Variants in PDE1A observed in about 807,000 individuals in gnomAD.
PDE1A encodes the protein dual specificity calcium/calmodulin-dependent 3',5'-cyclic nucleotide phosphodiesterase 1A.
In PDE1A, 35 loss-of-function variants were observed where a neutral mutation model predicts 61.7. That is an observed-to-expected ratio of 0.57 (90% CI 0.43 to 0.75). PDE1A has a LOEUF of 0.75. Among genes scored for constraint, PDE1A ranks in the 30% least tolerant of loss-of-function variants. The pLI is 0.00. For missense variants in PDE1A, 597 were observed against 630.6 expected, an observed-to-expected ratio of 0.95 and a Z score of 0.57; for synonymous variants, 232 against 213.2, an observed-to-expected ratio of 1.09 and a Z score of -0.77.
At chr2:182,452,256 G>A (rs953337138) in intron 2 of PDE1A, among the ~76,000 whole-genome samples, 1 of 152,098 alleles carries the variant, frequency 6.6e-6, no homozygotes, top group Non-Finnish European at 1.5e-5. Context: ...CTAAGGTTAA[G>A]AGTGAACATT....
chr2:182,311,981 G>T (rs908062056), intron 1 of PDE1A, among the ~76,000 whole-genome samples: 2 of 152,058 alleles, frequency 1.3e-5, no homozygotes, highest in African/African-American at 4.8e-5. Context: ...TAATAGATGT[G>T]TAGTGGTATC....
At chr2:182,603,086 T>C in the PDE1A span, among the ~76,000 whole-genome samples, 1 of 152,108 alleles carries the variant, frequency 6.6e-6, no homozygotes, top group Non-Finnish European at 1.5e-5. Flanking sequence ...GTGGTCATCT[T>C]TGACATTAAT....
chr2:182,202,979 T>G (rs936737536), intron 8 of PDE1A, among the ~76,000 whole-genome samples: 3 of 152,184 alleles, frequency 2.0e-5, no homozygotes, highest in Non-Finnish European at 2.9e-5. Flanking sequence ...ACAAAGATAC[T>G]TTACTTAAAG....
chr2:182,337,111 C>T (rs1574388871), intron 1 of PDE1A, among the ~76,000 whole-genome samples: 1 of 151,988 alleles, frequency 6.6e-6, no homozygotes, highest in Non-Finnish European at 1.5e-5. Flanking sequence ...ATGGTAAATA[C>T]ATGTTAGGTT....
At chr2:182,441,196 T>A (rs1423129798) in intron 2 of PDE1A, among the ~76,000 whole-genome samples, 1 of 152,054 alleles carries the variant, frequency 6.6e-6, no homozygotes, top group Non-Finnish European at 1.5e-5. Flanking sequence ...AAGAACTGTA[T>A]GGGTGAAACC....
intron 2 of PDE1A, among the ~76,000 whole-genome samples, chr2:182,504,510 T>G (rs1003913162): frequency 6.6e-6 from 1 of 152,208 alleles, no homozygotes; most frequent in Non-Finnish European, 1.5e-5. Flanking sequence ...TATTGCCTCA[T>G]GTAAAATAAT....
chr2:182,577,223 A>G, the PDE1A span, among the ~76,000 whole-genome samples: 1 of 152,330 alleles, frequency 6.6e-6, no homozygotes, highest in South Asian at 2.1e-4. Context: ...CTACACTACC[A>G]TTATGAGGTG....
chr2:182,270,885 T>C (rs886763058), intron 1 of PDE1A, among the ~76,000 whole-genome samples: 1 of 151,786 alleles, frequency 6.6e-6, no homozygotes, highest in South Asian at 2.1e-4. Context: ...AATAATGAAG[T>C]CTTATCTATT....
chr2:182,223,840 A>T, intron 7 of PDE1A, 24 bp downstream of exon 7: 1 of 1,336,146 alleles, frequency 7.5e-7, no homozygotes, highest in Non-Finnish European at 1.0e-6. Flanking sequence ...TAACTAATGA[A>T]AGTTAATACT....
the PDE1A span, among the ~76,000 whole-genome samples, chr2:182,674,142 T>C: frequency 6.6e-6 from 1 of 151,908 alleles, no homozygotes; most frequent in East Asian, 1.9e-4. Context: ...TGTTAGTAAG[T>C]GGTATAGCCA....
the PDE1A span, among the ~76,000 whole-genome samples, chr2:182,532,173 T>C: frequency 6.6e-6 from 1 of 152,170 alleles, no homozygotes; most frequent in Non-Finnish European, 1.5e-5. Flanking sequence ...TAGTGTTCTA[T>C]AACGCTGTAG....
At chr2:182,423,127 A>G (rs1703384765) in intron 1 of PDE1A, among the ~76,000 whole-genome samples, 1 of 152,158 alleles carries the variant, frequency 6.6e-6, no homozygotes, top group Non-Finnish European at 1.5e-5. Flanking sequence ...GCCATAAAGG[A>G]GATAATATAA....
the PDE1A span, among the ~76,000 whole-genome samples, chr2:182,631,268 A>G: frequency 6.8e-6 from 1 of 146,578 alleles, no homozygotes; most frequent in Non-Finnish European, 1.5e-5. Context: ...GGGTGACTCC[A>G]ATCTGCCTTT....
chr2:182,267,973 A>G (rs1395817265), intron 1 of PDE1A, among the ~76,000 whole-genome samples: 2 of 152,164 alleles, frequency 1.3e-5, no homozygotes, highest in African/African-American at 4.8e-5. Context: ...AGAGCTGAAA[A>G]TAAAATATTT....
At chr2:182,638,847 T>C in the PDE1A span, among the ~76,000 whole-genome samples, 3 of 151,826 alleles carry the variant, frequency 2.0e-5, no homozygotes, top group Non-Finnish European at 4.4e-5. Flanking sequence ...AGATTCCAGA[T>C]CAGGAGGGAA....
At chr2:182,400,336 T>G (rs1414394102) in intron 1 of PDE1A, among the ~76,000 whole-genome samples, 1 of 152,188 alleles carries the variant, frequency 6.6e-6, no homozygotes, top group Non-Finnish European at 1.5e-5. Context: ...GCAAGACACT[T>G]TCACATATTA....
At chr2:182,473,660 G>C (rs966320962) in intron 2 of PDE1A, among the ~76,000 whole-genome samples, 1 of 151,736 alleles carries the variant, frequency 6.6e-6, no homozygotes, top group Non-Finnish European at 1.5e-5. Flanking sequence ...CCCTCTGATA[G>C]GCCCCAGTGT....
At chr2:182,674,588 A>G in the PDE1A span, among the ~76,000 whole-genome samples, 1 of 151,652 alleles carries the variant, frequency 6.6e-6, no homozygotes, top group Non-Finnish European at 1.5e-5. Context: ...ATATATATAT[A>G]TATACCCCAC....
At chr2:182,575,166 A>G in the PDE1A span, among the ~76,000 whole-genome samples, 4 of 152,120 alleles carry the variant, frequency 2.6e-5, no homozygotes, top group East Asian at 7.7e-4. Context: ...TTCATTCCTG[A>G]GGGGTCTGAG....
Sources: gnomAD v4.1 joint callset for allele counts (sites outside exome capture counted in the v4.1 genomes callset) on GRCh38, gnomAD v4.1.1 for gene constraint, MANE v1.5 for transcripts, NCBI Gene and HGNC (gene_info 2026-07-23, HGNC 2026-07-21) for gene names.